BRWD1: variants seen among roughly 807,000 people sequenced by gnomAD.
The protein encoded by BRWD1 is bromodomain and WD repeat-containing protein 1.
BRWD1 carries 82 observed loss-of-function variants against 251.2 expected under a neutral mutation model. The observed-to-expected ratio is 0.33, with a 90% confidence interval of 0.27 to 0.39. The LOEUF is 0.39. Among genes scored for constraint, BRWD1 ranks in the 10% least tolerant of loss-of-function variants. BRWD1 has a pLI of 1.00. For missense variants in BRWD1, 2,233 were observed against 2,711.6 expected (o/e 0.82, Z 3.92); for synonymous variants, 918 against 902.8 (o/e 1.02, Z -0.30).
intron 21 of BRWD1, among the ~76,000 whole-genome samples, chr21:39,239,015 GC>G (rs1358033554): frequency 1.3e-5 from 2 of 151,984 alleles, no homozygotes; most frequent in Non-Finnish European, 2.9e-5. Flanking sequence ...TAGATCTTCT[GC>G]CCATTTTTAA....
At chr21:39,209,373 T>G (rs1236446031) in intron 36 of BRWD1, among the ~76,000 whole-genome samples, 1 of 151,034 alleles carries the variant, frequency 6.6e-6, no homozygotes, top group Non-Finnish European at 1.5e-5. Flanking sequence ...TCCTTAGGAG[T>G]CAACTTTCAA....
intron 20 of BRWD1, 50 bp from the exon 21 acceptor site, chr21:39,247,882 A>G (rs564227390): frequency 6.7e-7 from 1 of 1,492,278 alleles, no homozygotes; most frequent in South Asian, 1.4e-5. Flanking sequence ...AAATAAGGAC[A>G]ATATCAACAA....
At chr21:39,312,946 G>GT in intron 3 of BRWD1, 46 bp from the exon 4 acceptor site, 5 of 736,640 alleles carry the variant, frequency 6.8e-6, no homozygotes, top group Non-Finnish European at 7.1e-6. Context: ...CTCCGGCGCG[G>GT]GGGGGGCGGG....
chr21:39,276,133 C>T lies in BRWD1; in HGVS notation c.1145+40G>A, dbSNP rs758745344. ...ACTAACATGTAGCACATTATATTTG[C>T]CTAATAACACACACACACACATACA... On this transcript the variant is annotated intron_variant, in intron 12 of 40. Transcript: ENST00000342449. 3.2e-6 allele frequency: 5 copies of T among 1,552,962 alleles called. No homozygotes were observed. The African/African-American group carries it at 6.8e-5, about 21-fold the overall frequency.
rs377184794 is a variant in BRWD1, at chr21:39,221,112, G to A, written c.3383-2452C>T. On this transcript the variant is annotated intron_variant, in intron 29 of 40. Coordinates refer to ENST00000342449, the MANE Select transcript of BRWD1 (RefSeq NM_033656.4). ...GGAGGTTGCAATGAGTGGAGATTGC[G>A]CCACTGCACTCCAGCCTGGGCAACA... Among the ~76,000 whole-genome samples the A allele has an allele frequency of 1.3e-3, 182 of 143,474 alleles. 1 individual carries two copies. Among genetic ancestry groups the A allele is most frequent in the African/African-American group, 4.3e-3 (163 of 38,230 alleles). The allele number at this position is 143,474 out of a possible 152,430, so 94.1% of individuals were successfully genotyped here. A position where few individuals can be genotyped will look rare whatever the true frequency, so the allele number is the denominator to read the frequency against.
chr21:39,278,693 T>C (rs757236773), intron 10 of BRWD1, 50 bp downstream of exon 10: 1 of 1,387,256 alleles, frequency 7.2e-7, no homozygotes, highest in East Asian at 2.4e-5. Context: ...GGTCATTTAA[T>C]AGATGTTTAA....
intron 5 of BRWD1, chr21:39,297,856 A>G: frequency 3.1e-6 from 3 of 973,902 alleles, no homozygotes; most frequent in Non-Finnish European, 3.7e-6. Flanking sequence ...TATCACATAC[A>G]TATACTTAGT....
At position 39,293,870 on chromosome 21, in the gene BRWD1, T is replaced by C; in HGVS notation, c.772A>G (p.Arg258Gly). 6.2e-7 allele frequency: 1 copy of C among 1,614,192 alleles called. No homozygotes were observed. The highest frequency in any genetic ancestry group is 1.7e-5 in the Admixed American group (1 of 60,032). ...CDKIIRVWCL[R>G]TCAPVAVLQG... The stretch of plus-strand genomic sequence containing the variant: ...AGCACAGCAACTGGGGCACAAGTTC[T>C]CAAGCACCACACTCTAATAATTTTA... The change falls in exon 8 of 41, where the codon AGA (arginine) becomes GGA (glycine). Residue 258 changes from arginine (R) to glycine (G), a missense_variant. Transcript: ENST00000342449.
intron 19 of BRWD1, among the ~76,000 whole-genome samples, chr21:39,254,608 GC>G (rs144814029): frequency 0.015 from 2,315 of 152,262 alleles, 56 homozygotes; most frequent in African/African-American, 0.053. Flanking sequence ...AAATAATCAA[GC>G]CATCTACTCT....
At chr21:39,209,820 T>G in intron 36 of BRWD1, 175 bp downstream of exon 36, 1 of 574,636 alleles carries the variant, frequency 1.7e-6, no homozygotes, top group Non-Finnish European at 2.7e-6. Flanking sequence ...ACTGAAGCTA[T>G]ATGAGCAGTA....
At chr21:39,285,218 G>C (rs1183541824) in intron 8 of BRWD1, among the ~76,000 whole-genome samples, 1 of 152,182 alleles carries the variant, frequency 6.6e-6, no homozygotes, top group Admixed American at 6.5e-5. Flanking sequence ...AAGTGAAATA[G>C]CAAGGCACAG....
chr21:39,289,173 C>T (rs542870879), intron 8 of BRWD1, among the ~76,000 whole-genome samples: 1 of 152,220 alleles, frequency 6.6e-6, no homozygotes, highest in Non-Finnish European at 1.5e-5. Flanking sequence ...TCTTGTTTTA[C>T]TTTCTTTATT....
At chr21:39,216,680 C>T in intron 31 of BRWD1, 1 of 411,502 alleles carries the variant, frequency 2.4e-6, no homozygotes, top group Non-Finnish European at 4.8e-6. Flanking sequence ...TTCTTGGGAC[C>T]TACAATAAAC....
intron 29 of BRWD1, among the ~76,000 whole-genome samples, chr21:39,221,421 A>G (rs2033173079): frequency 6.6e-6 from 1 of 152,194 alleles, no homozygotes; most frequent in South Asian, 2.1e-4. Flanking sequence ...AAAACTAAAA[A>G]GATGCATATG....
At chr21:39,220,338 G>A (rs2033126355) in intron 29 of BRWD1, among the ~76,000 whole-genome samples, 1 of 152,226 alleles carries the variant, frequency 6.6e-6, no homozygotes, top group African/African-American at 2.4e-5. Flanking sequence ...CAGCCAGACT[G>A]AAAAAGCTGC....
At chr21:39,244,614 A>G (rs1162892834) in intron 21 of BRWD1, among the ~76,000 whole-genome samples, 1 of 152,108 alleles carries the variant, frequency 6.6e-6, no homozygotes, top group Non-Finnish European at 1.5e-5. Context: ...ACAGTAATTA[A>G]TGTATTTCCA....
At position 39,261,041 on chromosome 21, in the gene BRWD1, A is replaced by G. The variant is rs759538497; in HGVS notation, c.1886-2369T>C. On this transcript the variant is annotated intron_variant, in intron 17 of 40. Transcript: ENST00000342449. ...GGAGTTCGAGACCAGACTGGCCAGC[A>G]TGGTGAAACTTCATCTGTACTAAAA... 7.6e-4 allele frequency among the ~76,000 whole-genome samples: 116 copies of G among 152,178 alleles called. 1 individual carries two copies. The highest frequency in any genetic ancestry group is 2.6e-4 in the Non-Finnish European group (18 of 68,036).
chr21:39,194,838 G>T lies in BRWD1; in HGVS notation c.*1421C>A. On this transcript the variant is annotated 3_prime_UTR_variant, in exon 41 of 41. Transcript: ENST00000342449. ...GCTTCACCTTATCTGCCACTTCAAA[G>T]ATACACAGGAGAAAAGGGTTAATTT... is the stretch of plus-strand genomic sequence containing the variant. The T allele has an allele frequency of 1.3e-6, 2 of 1,533,774 alleles. No homozygotes were observed. Among genetic ancestry groups the T allele is most frequent in the Non-Finnish European group, 1.7e-6 (2 of 1,145,192 alleles).
At position 39,258,732 on chromosome 21, in the gene BRWD1, G is replaced by A. The variant is rs983646212; in HGVS notation, c.1886-60C>T. ...AAAGCAGAAAACAAAAAAAAATTTC[G>A]TTAGGGTACAAATTAAAATACATTA... On this transcript the variant is annotated intron_variant, in intron 17 of 40. Transcript: ENST00000342449. The A allele has an allele frequency of 1.4e-5, 17 of 1,249,336 alleles. No homozygotes were observed. In the East Asian group the frequency reaches 1.4e-4, roughly 10 times the overall value. The allele number at this position is 1,249,336 out of a possible 1,614,324, so 77.4% of individuals were successfully genotyped here.
Sources: gnomAD v4.1 joint callset for allele counts (sites outside exome capture counted in the v4.1 genomes callset) on GRCh38, gnomAD v4.1.1 for gene constraint, MANE v1.5 for transcripts, NCBI Gene and HGNC (gene_info 2026-07-23, HGNC 2026-07-21) for gene names.